The following SYNPR variants were observed in gnomAD, a reference collection of about 807,000 sequenced individuals.
SYNPR encodes synaptoporin.
Under a neutral mutation model 32.9 loss-of-function variants are expected in SYNPR, and 23 were observed. The observed-to-expected ratio is 0.70, with a 90% CI of 0.50 to 0.99. SYNPR has a LOEUF of 0.99. Among genes scored for constraint, SYNPR ranks in the 50% least tolerant of loss-of-function variants. SYNPR has a pLI of 0.00. For synonymous variants in SYNPR, 146 were observed against 135.9 expected, an observed-to-expected ratio of 1.07 and a Z score of -0.52; for missense variants, 318 against 349.3, an observed-to-expected ratio of 0.91 and a Z score of 0.71.
intron 2 of SYNPR, among the ~76,000 whole-genome samples, chr3:63,478,514 G>A: frequency 6.6e-6 from 1 of 152,180 alleles, no homozygotes; most frequent in Middle Eastern, 3.4e-3. Context: ...TATGTTACAT[G>A]CTGGACACAA....
At chr3:63,595,342 T>G (rs1027770134) in intron 4 of SYNPR, among the ~76,000 whole-genome samples, 2 of 152,034 alleles carry the variant, frequency 1.3e-5, no homozygotes, top group African/African-American at 4.8e-5. Flanking sequence ...TTTTGCTTAT[T>G]TAAAACACCA....
intron 2 of SYNPR, among the ~76,000 whole-genome samples, chr3:63,286,572 C>T (rs2086685161): frequency 6.6e-6 from 1 of 152,164 alleles, no homozygotes; most frequent in East Asian, 1.9e-4. Flanking sequence ...ACATCTCTCA[C>T]TGACTGAGGT....
Position 63,270,607 on chromosome 3 carries a change from G to C in SYNPR, n.287+3158G>C, listed in dbSNP as rs577576861. ...TGTACAGTTAGAAGGTATAAAATTT[G>C]TTCAAATTCTTGAGAAATATTGACT... On this transcript the variant is annotated intron_variant and non_coding_transcript_variant, in intron 3 of 4. Transcript: ENST00000478456. Among the ~76,000 whole-genome samples, 13 of 152,214 alleles carry C rather than the reference G, an allele frequency of 8.5e-5. No homozygotes were observed. In the South Asian group the frequency reaches 1.9e-3, roughly 22 times the overall value.
chr3:63,403,372 A>G (rs2088317481), intron 2 of SYNPR, among the ~76,000 whole-genome samples: 1 of 151,834 alleles, frequency 6.6e-6, no homozygotes, highest in African/African-American at 2.4e-5. Flanking sequence ...CTGCTTTTAT[A>G]TAAATATATA....
chr3:63,468,774 C>A (rs1324452173), intron 2 of SYNPR, among the ~76,000 whole-genome samples: 1 of 152,152 alleles, frequency 6.6e-6, no homozygotes, highest in Non-Finnish European at 1.5e-5. Context: ...GCACTCCAGG[C>A]TGAGTGACAG....
At chr3:63,402,820 C>T (rs10510897) in intron 2 of SYNPR, among the ~76,000 whole-genome samples, 1 of 152,078 alleles carries the variant, frequency 6.6e-6, no homozygotes, top group South Asian at 2.1e-4. Flanking sequence ...TAAAGCATAG[C>T]GCACTTGACA....
At chr3:63,242,871 A>G (rs2086258612) in intron 1 of SYNPR, among the ~76,000 whole-genome samples, 2 of 152,164 alleles carry the variant, frequency 1.3e-5, no homozygotes, top group South Asian at 4.1e-4. Context: ...CAGTATGAAT[A>G]GTACAGGTTT....
chr3:63,386,563 T>G (rs554961327), intron 2 of SYNPR, among the ~76,000 whole-genome samples: 164 of 151,462 alleles, frequency 1.1e-3, no homozygotes, highest in Admixed American at 2.0e-3. Flanking sequence ...TTGTTTGTAA[T>G]TATCTTCCAT....
At chr3:63,296,828 A>G (rs1436954650) in intron 2 of SYNPR, among the ~76,000 whole-genome samples, 4 of 152,158 alleles carry the variant, frequency 2.6e-5, no homozygotes, top group South Asian at 2.1e-4. Context: ...CTAGTGAGGT[A>G]TGACTCTATT....
At chr3:63,594,536 T>C (rs1449045104) in intron 4 of SYNPR, among the ~76,000 whole-genome samples, 1 of 152,194 alleles carries the variant, frequency 6.6e-6, no homozygotes, top group Non-Finnish European at 1.5e-5. Context: ...ATATAGACTG[T>C]GGAGCCAAAC....
chr3:63,555,912 A>G (rs975551229), intron 3 of SYNPR, among the ~76,000 whole-genome samples: 25 of 152,338 alleles, frequency 1.6e-4, no homozygotes, highest in Admixed American at 4.6e-4. Context: ...AGAGTGATGT[A>G]ATAGCAAATG....
the SYNPR span, among the ~76,000 whole-genome samples, chr3:63,211,216 C>T: frequency 0.77 from 117,273 of 152,066 alleles, 45,702 homozygotes; most frequent in Middle Eastern, 0.87. Context: ...TACAGGCACC[C>T]GCCACCACAC....
At chr3:63,533,406 A>G (rs528126832) in intron 3 of SYNPR, among the ~76,000 whole-genome samples, 1 of 152,190 alleles carries the variant, frequency 6.6e-6, no homozygotes, top group Non-Finnish European at 1.5e-5. Flanking sequence ...AGATTAAAGA[A>G]GCAACAAAAA....
At chr3:63,291,761 G>A (rs2086741116) in intron 2 of SYNPR, among the ~76,000 whole-genome samples, 2 of 152,090 alleles carry the variant, frequency 1.3e-5, no homozygotes, top group Non-Finnish European at 2.9e-5. Context: ...AGCTATTCTG[G>A]GGGAAAAGGC....
At chr3:63,260,918 C>T (rs1268815428) in intron 2 of SYNPR, among the ~76,000 whole-genome samples, 2 of 151,636 alleles carry the variant, frequency 1.3e-5, no homozygotes, top group African/African-American at 2.4e-5. Context: ...TATGAACAGA[C>T]ACTTCTCAAA....
intron 2 of SYNPR, among the ~76,000 whole-genome samples, chr3:63,359,732 G>C (rs1402640952): frequency 6.6e-6 from 1 of 152,118 alleles, no homozygotes; most frequent in Non-Finnish European, 1.5e-5. Context: ...TCAAGTCCCA[G>C]CTCTGCCCCT....
At chr3:63,327,430 A>G (rs1254016706) in intron 2 of SYNPR, among the ~76,000 whole-genome samples, 1 of 152,134 alleles carries the variant, frequency 6.6e-6, no homozygotes, top group African/African-American at 2.4e-5. Context: ...ATGTGTGTTT[A>G]TATCTAGCTA....
chr3:63,614,725 C>T (rs1035661492), intron 5 of SYNPR, among the ~76,000 whole-genome samples: 1 of 152,154 alleles, frequency 6.6e-6, no homozygotes, highest in Non-Finnish European at 1.5e-5. Flanking sequence ...TATCTCTAAC[C>T]ATAAAGAGAA....
intron 3 of SYNPR, among the ~76,000 whole-genome samples, chr3:63,547,801 G>C (rs192968556): frequency 1.3e-5 from 2 of 152,190 alleles, no homozygotes; most frequent in East Asian, 3.9e-4. Flanking sequence ...TCCATTTCTC[G>C]GCCCTACTTC....
Sources: gnomAD v4.1 joint callset for allele counts (sites outside exome capture counted in the v4.1 genomes callset) on GRCh38, gnomAD v4.1.1 for gene constraint, MANE v1.5 for transcripts, NCBI Gene and HGNC (gene_info 2026-07-23, HGNC 2026-07-21) for gene names.